Variants in ATP10A observed in about 807,000 individuals in gnomAD.
ATP10A encodes the protein phospholipid-transporting ATPase VA.
ATP10A carries 111 observed loss-of-function variants against 147.8 expected under a neutral mutation model. The observed-to-expected ratio is 0.75, with a 90% CI of 0.64 to 0.88. The LOEUF is 0.88. ATP10A is among the 40% of genes least tolerant of loss of function. The pLI is 0.00. For synonymous variants in ATP10A, 875 were observed against 841.6 expected (o/e 1.04, Z -0.69); for missense variants, 1,927 against 1,959.0 (o/e 0.98, Z 0.31).
At chr15:25,709,643 T>C (rs911716456) in intron 10 of ATP10A, 10 of 152,018 alleles carry the variant, frequency 6.6e-5, no homozygotes, top group African/African-American at 2.2e-4. Flanking sequence ...AGGTGGACAA[T>C]GGGGTGTTTC....
chr15:25,752,461 G>C (rs1888204188), intron 2 of ATP10A, among the ~76,000 whole-genome samples: 1 of 152,212 alleles, frequency 6.6e-6, no homozygotes, highest in Admixed American at 6.5e-5. Context: ...CTCAGAAGCA[G>C]AGAGTGGAAT....
At chr15:25,690,832 C>T (rs927857501) in intron 15 of ATP10A, among the ~76,000 whole-genome samples, 4 of 152,100 alleles carry the variant, frequency 2.6e-5, no homozygotes, top group Non-Finnish European at 5.9e-5. Context: ...AAAAAATGTG[C>T]GAGTAACGTA....
At chr15:25,860,589 C>A (rs1482343626) in intron 1 of ATP10A, among the ~76,000 whole-genome samples, 1 of 152,150 alleles carries the variant, frequency 6.6e-6, no homozygotes, top group Non-Finnish European at 1.5e-5. Flanking sequence ...ATGAAAAATG[C>A]TGACAGTTCC....
intron 3 of ATP10A, among the ~76,000 whole-genome samples, chr15:25,731,993 C>G (rs1028891362): frequency 6.6e-6 from 1 of 152,072 alleles, no homozygotes; most frequent in Non-Finnish European, 1.5e-5. Context: ...GTTTCTGTGA[C>G]TACAGGTGTG....
intron 12 of ATP10A, among the ~76,000 whole-genome samples, chr15:25,705,217 G>A (rs1018525171): frequency 6.6e-6 from 1 of 152,074 alleles, no homozygotes; most frequent in Non-Finnish European, 1.5e-5. Context: ...GAGGCAGGAG[G>A]ATCACGTTAA....
At chr15:25,826,184 C>T (rs1892106249) in intron 1 of ATP10A, among the ~76,000 whole-genome samples, 1 of 152,050 alleles carries the variant, frequency 6.6e-6, no homozygotes, top group African/African-American at 2.4e-5. Flanking sequence ...TCCCGTAGGA[C>T]ATCATCAAGC....
chr15:25,863,477 T>G (rs2140933431), upstream of ATP10A, among the ~76,000 whole-genome samples: 1 of 152,232 alleles, frequency 6.6e-6, no homozygotes, highest in Admixed American at 6.5e-5. Context: ...AGCTGGAAAC[T>G]TCAGAGAGGT....
In ATP10A at chr15:25,713,954, C is replaced by A. The variant is rs541762509; in HGVS notation, c.2064G>T (p.Glu688Asp). Residue 688 changes from glutamate (E) to aspartate (D), a missense_variant, in exon 10 of 21, where the codon GAG becomes GAT. By Grantham distance (45) the Glu-to-Asp change is conservative. Transcript: ENST00000555815. ...ASELAQEQESERELRYEAESP... is the reference protein window; with the variant it reads ...ASELAQEQESDRELRYEAESP... ...TCTCCGCCTCGTACCGCAGCTCGCG[C>A]TCTGACTCCTGCTCCTGAGCAAGCT... The A allele has an allele frequency of 1.2e-5, 20 of 1,610,620 alleles. No individual in the cohort carries two copies. In the South Asian group the frequency reaches 2.2e-4, roughly 18 times the overall value.
intron 2 of ATP10A, among the ~76,000 whole-genome samples, chr15:25,778,713 C>G (rs1015389671): frequency 6.6e-6 from 1 of 152,010 alleles, no homozygotes; most frequent in Non-Finnish European, 1.5e-5. Flanking sequence ...GGTCTGCAGC[C>G]GTCCTCGAGT....
chr15:25,772,617 A>G (rs1002850834), intron 2 of ATP10A, among the ~76,000 whole-genome samples: 1 of 152,154 alleles, frequency 6.6e-6, no homozygotes, highest in Non-Finnish European at 1.5e-5. Flanking sequence ...GGCCTTCTTT[A>G]CCACACAAAT....
At position 25,701,987 on chromosome 15, in the gene ATP10A, C is replaced by T. The variant is rs1389365410; in HGVS notation, c.2689G>A (p.Val897Ile). ...VLTGDKQETA[V>I]NIAYACKLLD... ...AGTTTGCAGGCATATGCAATGTTGA[C>T]AGCTGTTTCTTGTTTGTCACCAGTG... The change falls in exon 13 of 21, where the codon GTC (valine) becomes ATC (isoleucine). Residue 897 changes from valine to isoleucine, a missense_variant. Transcript: ENST00000555815. The T allele has an allele frequency of 6.2e-7, 1 of 1,614,036 alleles. No homozygotes were observed. The highest frequency in any genetic ancestry group is 1.3e-5 in the African/African-American group (1 of 74,932).
chr15:25,691,724 C>T lies in ATP10A; in HGVS notation c.3156G>A (p.Glu1052=). 3.7e-6 allele frequency: 6 copies of T among 1,614,180 alleles called. No homozygotes were observed. Among genetic ancestry groups the T allele is most frequent in the Non-Finnish European group, 5.1e-6 (6 of 1,180,034 alleles). The change falls in exon 15 of 21, where the codon GAG becomes GAA. Residue 1052 remains glutamate, a synonymous_variant. Coordinates refer to ENST00000555815, the MANE Select transcript of ATP10A (RefSeq NM_024490.4). ...ADVGVGISGQ[E]GMQAVMASDF... ...CCTGATTGGTCTTTACCTGCATACC[C>T]TCCTGGCCGGAGATTCCCACACCCA...
rs559123154 is a variant in ATP10A at position 25,837,745 on chromosome 15, C to T, written c.449+24903G>A. Among the ~76,000 whole-genome samples, 14 of 152,328 alleles carry T rather than the reference C, an allele frequency of 9.2e-5. No individual in the cohort carries two copies. In the South Asian group the frequency reaches 2.5e-3, roughly 27 times the overall value. On this transcript the variant is annotated intron_variant, in intron 1 of 20. Coordinates refer to ENST00000555815, the MANE Select transcript of ATP10A (RefSeq NM_024490.4). ...GCCCGAAAGGCACCTTCCTGCTTTGCGCTGGCTGGCAGGGTCCTGGGAAAC... is the reference window on the plus strand; with the variant it reads ...GCCCGAAAGGCACCTTCCTGCTTTGTGCTGGCTGGCAGGGTCCTGGGAAAC...
chr15:25,708,459 AAG>A (rs768656985), intron 10 of ATP10A, 159 bp from the exon 11 acceptor site: 5 of 528,216 alleles, frequency 9.5e-6, no homozygotes, highest in African/African-American at 4.2e-5. Flanking sequence ...TGTTTTAAAA[AAG>A]AGTCTCATCA....
intron 1 of ATP10A, among the ~76,000 whole-genome samples, chr15:25,857,959 C>A (rs533889033): frequency 1.4e-5 from 2 of 141,976 alleles, no homozygotes; most frequent in Admixed American, 1.4e-4. Flanking sequence ...GAACATTTGG[C>A]TCATATTAAC....
intron 1 of ATP10A, among the ~76,000 whole-genome samples, chr15:25,791,476 T>G (rs1422665370): frequency 6.6e-6 from 1 of 152,166 alleles, no homozygotes; most frequent in Non-Finnish European, 1.5e-5. Context: ...AGCCTCGACC[T>G]CCTGGGCTCA....
chr15:25,780,102 C>T (rs1460479702), intron 2 of ATP10A, among the ~76,000 whole-genome samples: 3 of 152,264 alleles, frequency 2.0e-5, no homozygotes, highest in Non-Finnish European at 2.9e-5. Context: ...CCGCCCCACT[C>T]CCTACAGTGC....
Position 25,679,366 on chromosome 15 carries a change from C to T in ATP10A, c.4475G>A (p.Gly1492Glu), listed in dbSNP as rs140854556. The change falls in exon 21 of 21, where the codon GGA becomes GAA. Residue 1492 changes from glycine to glutamate, a missense_variant. Transcript: ENST00000555815. ...LQGPDHRLLI[G>E]ASSRRSQ ...TCACTGTGACCGCCTTGAAGATGCT[C>T]CTATAAGTAGTCTGTGGTCTGGCCC... 8.8e-6 allele frequency: 14 copies of T among 1,589,876 alleles called. No homozygotes were observed. The African/African-American group carries it at 1.5e-4, about 17-fold the overall frequency.
chr15:25,688,941 T>A (rs1899856305), intron 15 of ATP10A, among the ~76,000 whole-genome samples: 1 of 152,188 alleles, frequency 6.6e-6, no homozygotes, highest in Non-Finnish European at 1.5e-5. Context: ...AAGACTCCAC[T>A]ATTGCCAGCC....
Sources: gnomAD v4.1 joint callset for allele counts (sites outside exome capture counted in the v4.1 genomes callset) on GRCh38, gnomAD v4.1.1 for gene constraint, MANE v1.5 for transcripts, NCBI Gene and HGNC (gene_info 2026-07-23, HGNC 2026-07-21) for gene names.